Variants in ALDH1L1 observed in about 807,000 individuals in gnomAD.
ALDH1L1 encodes aldehyde dehydrogenase 1 family member L1.
In ALDH1L1, 68 loss-of-function variants were observed where a neutral mutation model predicts 101.1. The ratio of observed to expected loss-of-function variants is 0.67; its 90% CI spans 0.55 to 0.82. ALDH1L1 has a LOEUF of 0.82. Ranked by LOEUF, ALDH1L1 falls within the 40% of genes least tolerant of loss-of-function variation. The probability of loss-of-function intolerance (pLI) is 0.00; values close to 1 mark genes in which losing one functional copy is unlikely to be tolerated. For missense variants in ALDH1L1, 1,087 were observed against 1,172.7 expected (o/e 0.93, Z 1.07); for synonymous variants, 486 against 470.8 (o/e 1.03, Z -0.42).
At chr3:126,179,532 T>C (rs1209216550) in intron 1 of ALDH1L1, among the ~76,000 whole-genome samples, 4 of 147,170 alleles carry the variant, frequency 2.7e-5, no homozygotes, top group Non-Finnish European at 6.0e-5. Context: ...CAGCCAACAT[T>C]CTCCGAGGGT....
intron 16 of ALDH1L1, among the ~76,000 whole-genome samples, chr3:126,121,605 C>A (rs1019511798): frequency 2.0e-5 from 3 of 152,172 alleles, no homozygotes; most frequent in African/African-American, 7.2e-5. Flanking sequence ...AAACCACTAT[C>A]CTGGTGAAGA....
chr3:126,152,437 A>G (rs1462669947), intron 7 of ALDH1L1: 2 of 152,228 alleles, frequency 1.3e-5, no homozygotes, highest in Non-Finnish European at 2.9e-5. Context: ...GCAACTGCAT[A>G]TATCAATCTT....
intron 13 of ALDH1L1, 61 bp from the exon 14 acceptor site, chr3:126,130,354 G>A (rs546506305): frequency 1.4e-5 from 20 of 1,441,052 alleles, no homozygotes; most frequent in Non-Finnish European, 1.8e-5. Flanking sequence ...TCCCCTCTAG[G>A]CAGCAAGTCT....
At chr3:126,107,400 G>A (rs2276727) in intron 20 of ALDH1L1, among the ~76,000 whole-genome samples, 154 bp from the exon 21 acceptor site, 25,998 of 152,234 alleles carry the variant, frequency 0.17, 2,356 homozygotes, top group Middle Eastern at 0.27. Flanking sequence ...TCACCACGCT[G>A]CAGATGGCTC....
intron 12 of ALDH1L1, 102 bp from the exon 13 acceptor site, chr3:126,131,636 C>A: frequency 1.5e-6 from 2 of 1,327,100 alleles, no homozygotes; most frequent in South Asian, 1.5e-5. Context: ...TGCCCTCTAC[C>A]CCAGTTCTGC....
At chr3:126,178,973 C>T (rs1185864323) in intron 1 of ALDH1L1, among the ~76,000 whole-genome samples, 3 of 152,188 alleles carry the variant, frequency 2.0e-5, no homozygotes, top group Non-Finnish European at 2.9e-5. Context: ...TCGTTCCCCC[C>T]CTGCAGGGAG....
At chr3:126,159,216 A>ATGCG (rs1246902790) in intron 2 of ALDH1L1, among the ~76,000 whole-genome samples, 1 of 151,424 alleles carries the variant, frequency 6.6e-6, no homozygotes, top group African/African-American at 2.4e-5. Context: ...ATATGCACAC[A>ATGCG]TGCGTGCACA....
At chr3:126,190,154 C>G (rs1442881861) in intron 1 of ALDH1L1, among the ~76,000 whole-genome samples, 1 of 152,110 alleles carries the variant, frequency 6.6e-6, no homozygotes, top group Non-Finnish European at 1.5e-5. Flanking sequence ...TCTATCTGAC[C>G]AGAGAACATG....
chr3:126,111,841 G>A (rs993055186), intron 19 of ALDH1L1, among the ~76,000 whole-genome samples: 1 of 152,222 alleles, frequency 6.6e-6, no homozygotes, highest in African/African-American at 2.4e-5. Context: ...GGTGGGGGGC[G>A]GTGCTCTTCG....
chr3:126,106,058 C>T (rs1559910347), intron 21 of ALDH1L1, 133 bp from the exon 22 acceptor site: 8 of 924,834 alleles, frequency 8.7e-6, no homozygotes, highest in East Asian at 5.3e-5. Context: ...GCTGCAGCGC[C>T]GGGGGCAAGA....
At chr3:126,190,732 G>A (rs1451309216) in intron 1 of ALDH1L1, among the ~76,000 whole-genome samples, 1 of 152,194 alleles carries the variant, frequency 6.6e-6, no homozygotes, top group Non-Finnish European at 1.5e-5. Flanking sequence ...AGTTTGTGAT[G>A]GTAACAGGAT....
intron 1 of ALDH1L1, among the ~76,000 whole-genome samples, chr3:126,187,136 G>A (rs187939611): frequency 6.3e-4 from 96 of 152,292 alleles, no homozygotes; most frequent in African/African-American, 2.3e-3. Context: ...TGGGAACGGG[G>A]AAAGGCTGTA....
chr3:126,113,662 G>A (rs1946151317), intron 18 of ALDH1L1, among the ~76,000 whole-genome samples: 1 of 152,218 alleles, frequency 6.6e-6, no homozygotes, highest in African/African-American at 2.4e-5. Context: ...ACCAAATGAG[G>A]TTGGACTCCC....
chr3:126,166,349 T>C (rs1576485226), intron 1 of ALDH1L1, among the ~76,000 whole-genome samples: 1 of 152,220 alleles, frequency 6.6e-6, no homozygotes, highest in South Asian at 2.1e-4. Context: ...AGGGAATTCC[T>C]GCATATAACT....
At chr3:126,103,939 G>GTGA in intron 22 of ALDH1L1, 93 bp from the exon 23 acceptor site, 2 of 1,399,860 alleles carry the variant, frequency 1.4e-6, no homozygotes, top group Non-Finnish European at 9.9e-7. Flanking sequence ...ACCACGTGGG[G>GTGA]GCAGCTCTGG....
In ALDH1L1 at chr3:126,103,695, C is replaced by T. The variant is rs1371870102; in HGVS notation, c.*96G>A. 3.7e-6 allele frequency: 5 copies of T among 1,347,826 alleles called. No homozygotes were observed. The highest frequency in any genetic ancestry group is 2.4e-5 in the East Asian group (1 of 41,290). 83.5% of individuals were successfully genotyped at this position (1,347,826 alleles called of 1,614,324 possible). ...TGCAGGCAGGAGGGCTTCCACTAGCCCCCCAGGTGGGAGGTGCTGTGCACC... is the reference window on the plus strand; with the variant it reads ...TGCAGGCAGGAGGGCTTCCACTAGCTCCCCAGGTGGGAGGTGCTGTGCACC... On this transcript the variant is annotated 3_prime_UTR_variant, in exon 23 of 23. Coordinates refer to ENST00000393434, the MANE Select transcript of ALDH1L1 (RefSeq NM_012190.4).
At chr3:126,106,101 G>A (rs1467629695) in intron 21 of ALDH1L1, among the ~76,000 whole-genome samples, 176 bp from the exon 22 acceptor site, 2 of 152,198 alleles carry the variant, frequency 1.3e-5, no homozygotes. Flanking sequence ...CGAGGAGGAA[G>A]GGCAGAGGCC....
At chr3:126,138,257 T>C (rs953103505) in intron 9 of ALDH1L1, among the ~76,000 whole-genome samples, 2 of 152,204 alleles carry the variant, frequency 1.3e-5, no homozygotes, top group Non-Finnish European at 1.5e-5. Flanking sequence ...TATTTTGCGA[T>C]GAGTAAATAC....
intron 9 of ALDH1L1, among the ~76,000 whole-genome samples, chr3:126,143,682 T>C (rs1398315794): frequency 3.9e-5 from 6 of 152,186 alleles, no homozygotes; most frequent in Non-Finnish European, 8.8e-5. Context: ...ATGGGCCAAG[T>C]GTAACGCCTC....
Sources: allele counts gnomAD v4.1 joint callset (sites outside exome capture counted in the v4.1 genomes callset), GRCh38; gene constraint gnomAD v4.1.1; transcripts MANE v1.5; gene names NCBI Gene and HGNC (gene_info 2026-07-23, HGNC 2026-07-21).